The following PPP2R5E variants were observed in gnomAD, a reference collection of about 807,000 sequenced individuals.
PPP2R5E encodes the protein serine/threonine-protein phosphatase 2A 56 kDa regulatory subunit epsilon isoform.
In PPP2R5E, 4 loss-of-function variants were observed where a neutral mutation model predicts 65.3. The ratio of observed to expected loss-of-function variants is 0.06; its 90% CI spans 0.03 to 0.14. PPP2R5E has a LOEUF of 0.14. Among genes scored for constraint, PPP2R5E ranks in the 10% least tolerant of loss-of-function variants. The pLI is 1.00. For missense variants in PPP2R5E, 274 were observed against 556.1 expected, an observed-to-expected ratio of 0.49 and a Z score of 5.10; for synonymous variants, 183 against 187.4, an observed-to-expected ratio of 0.98 and a Z score of 0.19.
intron 2 of PPP2R5E, among the ~76,000 whole-genome samples, chr14:63,518,408 AT>A (rs1004346390): frequency 3.3e-5 from 5 of 149,302 alleles, no homozygotes; most frequent in African/African-American, 9.9e-5. Context: ...TGCCAGGCTA[AT>A]TTTTTTTTTC....
chr14:63,525,442 A>C (rs564181559), intron 2 of PPP2R5E, among the ~76,000 whole-genome samples: 1 of 152,232 alleles, frequency 6.6e-6, no homozygotes, highest in Non-Finnish European at 1.5e-5. Flanking sequence ...AGAATCAAAA[A>C]TCAGGAAAGA....
Position 63,374,858 on chromosome 14 carries a change from C to A in PPP2R5E, c.*1151G>T, listed in dbSNP as rs1883901152. The A allele has an allele frequency of 6.6e-6, 1 of 152,072 alleles. No individual in the cohort carries two copies. Among genetic ancestry groups the A allele is most frequent in the Non-Finnish European group, 1.5e-5 (1 of 67,922 alleles). 9.4% of individuals were successfully genotyped at this position (152,072 alleles called of 1,614,324 possible). A position where few individuals can be genotyped will look rare whatever the true frequency, so the allele number is the denominator to read the frequency against. On this transcript the variant is annotated 3_prime_UTR_variant, in exon 14 of 14. Coordinates refer to ENST00000337537, the MANE Select transcript of PPP2R5E (RefSeq NM_006246.5). ...AAATACAGTAGTTAGGAATATGCAT[C>A]CAATTCAGAATGCATAATAATGTTT... is the stretch of plus-strand genomic sequence containing the variant.
chr14:63,399,978 A>C (rs1885652260), intron 5 of PPP2R5E, among the ~76,000 whole-genome samples: 1 of 152,126 alleles, frequency 6.6e-6, no homozygotes, highest in South Asian at 2.1e-4. Flanking sequence ...ATTTGAATAA[A>C]AGACAAGAGT....
chr14:63,487,172 C>T (rs377464212), intron 2 of PPP2R5E, among the ~76,000 whole-genome samples: 3 of 152,056 alleles, frequency 2.0e-5, no homozygotes, highest in Non-Finnish European at 4.4e-5. Context: ...AGTTATTTGT[C>T]GAGAAAAGTA....
chr14:63,394,999 A>G (rs978651763), intron 7 of PPP2R5E, among the ~76,000 whole-genome samples: 3 of 152,228 alleles, frequency 2.0e-5, no homozygotes, highest in Non-Finnish European at 4.4e-5. Context: ...ATGAACTGTC[A>G]GCTCTTTCAG....
chr14:63,482,369 G>T (rs1890750521), intron 2 of PPP2R5E, among the ~76,000 whole-genome samples: 1 of 152,196 alleles, frequency 6.6e-6, no homozygotes, highest in Non-Finnish European at 1.5e-5. Flanking sequence ...TGAGGCACAA[G>T]AATTGCTTGA....
At chr14:63,526,537 TCTCTCA>T (rs1269732545) in intron 2 of PPP2R5E, among the ~76,000 whole-genome samples, 2 of 152,016 alleles carry the variant, frequency 1.3e-5, no homozygotes, top group Non-Finnish European at 2.9e-5. Context: ...TCTCTCTCTC[TCTCTCA>T]ATCTTTCTCT....
chr14:63,381,936 T>A (rs1343378002), intron 13 of PPP2R5E, 120 bp downstream of exon 13: 3 of 703,362 alleles, frequency 4.3e-6, no homozygotes, highest in Admixed American at 5.5e-5. Flanking sequence ...AAGTAATGCA[T>A]GACTGTAAAC....
intron 2 of PPP2R5E, among the ~76,000 whole-genome samples, chr14:63,496,208 G>A (rs1325661174): frequency 2.0e-5 from 3 of 152,020 alleles, no homozygotes; most frequent in African/African-American, 4.8e-5. Flanking sequence ...GAGCCCTCAA[G>A]AGTGAGCCAC....
chr14:63,409,593 A>G (rs1051162674), intron 5 of PPP2R5E, among the ~76,000 whole-genome samples: 1 of 152,182 alleles, frequency 6.6e-6, no homozygotes, highest in Non-Finnish European at 1.5e-5. Context: ...TAACAAGCCT[A>G]CTTGCTGTGA....
intron 5 of PPP2R5E, among the ~76,000 whole-genome samples, chr14:63,404,120 ACTG>A (rs1001642514): frequency 1.1e-4 from 16 of 149,316 alleles, no homozygotes; most frequent in Admixed American, 2.9e-4. Context: ...GAGGCAAGAG[ACTG>A]CTATTTTTCA....
chr14:63,518,572 G>A (rs1295455710), intron 2 of PPP2R5E, among the ~76,000 whole-genome samples: 1 of 152,104 alleles, frequency 6.6e-6, no homozygotes, highest in Non-Finnish European at 1.5e-5. Context: ...TTCTTTAAGA[G>A]ACTTGATGTT....
In PPP2R5E at chr14:63,539,854, A is replaced by C. The variant is rs573213933; in HGVS notation, c.-7-162T>G. On this transcript the variant is annotated intron_variant, in intron 1 of 13. Transcript: ENST00000337537. Reference sequence around the variant, plus strand: ...GAAAAGTCTTATCTTGGCCAGGTGCAATGGCTCACGCCTGTAATCCCAGCA... The same window carrying C: ...GAAAAGTCTTATCTTGGCCAGGTGCCATGGCTCACGCCTGTAATCCCAGCA... 7.2e-5 allele frequency among the ~76,000 whole-genome samples: 11 copies of C among 152,332 alleles called. No individual in the cohort carries two copies. The South Asian group carries it at 1.4e-3, about 20-fold the overall frequency.
At chr14:63,526,243 A>C (rs936961782) in intron 2 of PPP2R5E, among the ~76,000 whole-genome samples, 3 of 152,174 alleles carry the variant, frequency 2.0e-5, no homozygotes, top group African/African-American at 7.2e-5. Context: ...CTCTCTTTGA[A>C]TCTAAATATC....
chr14:63,439,364 T>TG (rs945057003), intron 3 of PPP2R5E, among the ~76,000 whole-genome samples: 34 of 152,008 alleles, frequency 2.2e-4, no homozygotes, highest in Admixed American at 1.2e-3. Flanking sequence ...GTTTTTTTTT[T>TG]TTGTTTTTGT....
At chr14:63,405,652 T>A (rs1381152173) in intron 5 of PPP2R5E, among the ~76,000 whole-genome samples, 1 of 152,220 alleles carries the variant, frequency 6.6e-6, no homozygotes, top group Non-Finnish European at 1.5e-5. Flanking sequence ...TTTAGAAATA[T>A]GTTGCTAAAC....
At chr14:63,461,629 T>G (rs1889464771) in intron 2 of PPP2R5E, among the ~76,000 whole-genome samples, 1 of 118,006 alleles carries the variant, frequency 8.5e-6, no homozygotes, top group Non-Finnish European at 1.7e-5. Flanking sequence ...AGATCGCGTC[T>G]CTACAAAATT....
At chr14:63,485,135 C>G in intron 2 of PPP2R5E, among the ~76,000 whole-genome samples, 1 of 147,474 alleles carries the variant, frequency 6.8e-6, no homozygotes, top group African/African-American at 2.5e-5. Flanking sequence ...ACATCAATTT[C>G]TTTTACAGAA....
chr14:63,523,427 T>A (rs1433206408), intron 2 of PPP2R5E, among the ~76,000 whole-genome samples: 1 of 152,112 alleles, frequency 6.6e-6, no homozygotes, highest in Non-Finnish European at 1.5e-5. Flanking sequence ...CTGTGCTCTC[T>A]GAAACATGTG....
Sources: allele counts gnomAD v4.1 joint callset (sites outside exome capture counted in the v4.1 genomes callset), GRCh38; gene constraint gnomAD v4.1.1; transcripts MANE v1.5; gene names NCBI Gene and HGNC (gene_info 2026-07-23, HGNC 2026-07-21).